Variants in UBXN7 observed in about 807,000 individuals in gnomAD.
The protein encoded by UBXN7 is UBX domain-containing protein 7.
In UBXN7, 9 loss-of-function variants were observed where a neutral mutation model predicts 58.0. That is an observed-to-expected ratio of 0.16 (90% confidence interval 0.09 to 0.27). UBXN7 has a LOEUF of 0.27. Among genes scored for constraint, UBXN7 ranks in the 10% least tolerant of loss-of-function variants. UBXN7 has a pLI of 1.00. For missense variants in UBXN7, 328 were observed against 599.6 expected (o/e 0.55, Z 4.73); for synonymous variants, 208 against 205.0 (o/e 1.01, Z -0.12).
At chr3:196,385,942 G>T (rs1299074705) in intron 5 of UBXN7, among the ~76,000 whole-genome samples, 1 of 152,236 alleles carries the variant, frequency 6.6e-6, no homozygotes, top group Non-Finnish European at 1.5e-5. Context: ...AGAAGGGGGG[G>T]AAATGTAGGG....
chr3:196,390,250 G>T (rs1729536556), intron 5 of UBXN7, among the ~76,000 whole-genome samples: 1 of 151,882 alleles, frequency 6.6e-6, no homozygotes, highest in Non-Finnish European at 1.5e-5. Context: ...GGGAAAGATA[G>T]GGTCTCACTA....
chr3:196,360,379 G>A (rs916176009), intron 10 of UBXN7, among the ~76,000 whole-genome samples: 3 of 152,158 alleles, frequency 2.0e-5, no homozygotes, highest in Non-Finnish European at 4.4e-5. Flanking sequence ...CTTGTTAGGG[G>A]GTAATGCAGC....
chr3:196,374,481 T>C lies in UBXN7; in HGVS notation c.469-2439A>G, dbSNP rs550127135. ...AATACTAGCAAAAGAAACTTGGAAA[T>C]GATACTAACCACATTGAAGATATTG... On this transcript the variant is annotated intron_variant, in intron 5 of 10. Transcript: ENST00000296328. Among the ~76,000 whole-genome samples the C allele has an allele frequency of 1.3e-3, 197 of 152,142 alleles. 1 individual carries two copies. Among genetic ancestry groups the C allele is most frequent in the Admixed American group, 2.2e-3 (33 of 15,260 alleles).
chr3:196,422,582 T>C (rs1730722022), intron 1 of UBXN7, among the ~76,000 whole-genome samples: 3 of 151,764 alleles, frequency 2.0e-5, no homozygotes, highest in Admixed American at 2.0e-4. Context: ...GATGTGGGGG[T>C]CTCTCTTTGT....
chr3:196,382,211 A>G (rs1729229354), intron 5 of UBXN7, among the ~76,000 whole-genome samples: 1 of 152,238 alleles, frequency 6.6e-6, no homozygotes, highest in Admixed American at 6.5e-5. Flanking sequence ...GGTTGAAATG[A>G]AGGGAAAAGT....
chr3:196,363,781 C>T lies in UBXN7; in HGVS notation c.835-1094G>A, dbSNP rs149508875. On this transcript the variant is annotated intron_variant, in intron 8 of 10. Transcript: ENST00000296328. ...CCATCTCCACTAAAAATGCAAACAT[C>T]AGCTGGGCATGGTGGTGCGCGCCTG... Among the ~76,000 whole-genome samples the T allele has an allele frequency of 5.9e-3, 891 of 151,982 alleles. 5 individuals are homozygous for T. The highest frequency in any genetic ancestry group is 0.02 in the African/African-American group (839 of 41,492).
rs950195433 is a variant in UBXN7 at position 196,405,400 on chromosome 3, G to C, written c.221+1846C>G. 6.0e-5 allele frequency among the ~76,000 whole-genome samples: 9 copies of C among 150,698 alleles called. 1 individual carries two copies. Among genetic ancestry groups the C allele is most frequent in the Middle Eastern group, 3.4e-3 (1 of 294 alleles). On this transcript the variant is annotated intron_variant, in intron 2 of 10. Transcript: ENST00000296328. ...CAGGAGAATCCACTTGAACCCAGGA[G>C]GCAGAGGCTGCAGCAAGCCAAGATC...
At chr3:196,365,505 T>C (rs1728639425) in intron 8 of UBXN7, among the ~76,000 whole-genome samples, 1 of 152,122 alleles carries the variant, frequency 6.6e-6, no homozygotes, top group Non-Finnish European at 1.5e-5. Context: ...CCTGAACTCC[T>C]GGGCTCAAGC....
At chr3:196,367,470 C>T (rs1229785845) in intron 8 of UBXN7, among the ~76,000 whole-genome samples, 2 of 152,062 alleles carry the variant, frequency 1.3e-5, no homozygotes, top group Admixed American at 1.3e-4. Flanking sequence ...TCAGCAAAAA[C>T]AAAAAACACC....
intron 5 of UBXN7, among the ~76,000 whole-genome samples, chr3:196,386,380 T>TAAAAAAAAAAA (rs34268326): frequency 3.4e-3 from 194 of 57,640 alleles, no homozygotes; most frequent in Non-Finnish European, 3.7e-3. Flanking sequence ...TAATAAACAC[T>TAAAAAAAAAAA]AAAAAAAAAA....
intron 1 of UBXN7, among the ~76,000 whole-genome samples, chr3:196,415,161 T>TC: frequency 6.6e-6 from 1 of 150,810 alleles, no homozygotes; most frequent in East Asian, 2.0e-4. Flanking sequence ...TTCTTTTTTT[T>TC]TTTTTTTTTT....
chr3:196,432,195 T>C, intron 1 of UBXN7, 132 bp downstream of exon 1: 1 of 1,315,640 alleles, frequency 7.6e-7, no homozygotes, highest in Non-Finnish European at 1.1e-6. Flanking sequence ...CGTCGCCTCT[T>C]CCTCAGGAGG....
chr3:196,408,271 C>G (rs1267421959), intron 1 of UBXN7, among the ~76,000 whole-genome samples: 1 of 152,154 alleles, frequency 6.6e-6, no homozygotes, highest in East Asian at 1.9e-4. Flanking sequence ...GTAAAGCTAA[C>G]AGAGTCTGCT....
chr3:196,417,724 TAAAAAAAAAAAAAAAA>T (rs749981900), intron 1 of UBXN7, among the ~76,000 whole-genome samples: 12 of 31,684 alleles, frequency 3.8e-4, no homozygotes, highest in African/African-American at 5.0e-4. Context: ...GCAAAATGGT[TAAAAAAAAAAAAAAAA>T]AAAAAAAAAA....
At chr3:196,397,246 G>A (rs1729804896) in intron 3 of UBXN7, among the ~76,000 whole-genome samples, 1 of 152,182 alleles carries the variant, frequency 6.6e-6, no homozygotes, top group African/African-American at 2.4e-5. Flanking sequence ...GCTATAAAGA[G>A]CTAAAAGAAA....
At chr3:196,420,214 A>C (rs541804173) in intron 1 of UBXN7, among the ~76,000 whole-genome samples, 1 of 152,250 alleles carries the variant, frequency 6.6e-6, no homozygotes, top group East Asian at 1.9e-4. Context: ...TTTACGATTT[A>C]AACTATTTGC....
intron 1 of UBXN7, among the ~76,000 whole-genome samples, chr3:196,408,611 G>T (rs1219213921): frequency 6.6e-6 from 1 of 151,926 alleles, no homozygotes; most frequent in African/African-American, 2.4e-5. Context: ...CCTTCTCTTG[G>T]TGGTAAATGC....
chr3:196,363,018 C>CCT (rs1728548238), intron 8 of UBXN7, among the ~76,000 whole-genome samples: 1 of 151,956 alleles, frequency 6.6e-6, no homozygotes, highest in South Asian at 2.1e-4. Flanking sequence ...GATTCTCCTG[C>CCT]CTCAGCCTCC....
At chr3:196,403,885 T>A (rs985724815) in intron 2 of UBXN7, among the ~76,000 whole-genome samples, 4 of 152,178 alleles carry the variant, frequency 2.6e-5, no homozygotes, top group Non-Finnish European at 2.9e-5. Flanking sequence ...GGTTTACTGA[T>A]AATCCATCTC....
Sources: allele counts gnomAD v4.1 joint callset (sites outside exome capture counted in the v4.1 genomes callset), GRCh38; gene constraint gnomAD v4.1.1; transcripts MANE v1.5; gene names NCBI Gene and HGNC (gene_info 2026-07-23, HGNC 2026-07-21).